The following DNALI1 variants were observed in gnomAD, a reference collection of about 807,000 sequenced individuals.
The protein encoded by DNALI1 is dynein axonemal light intermediate chain 1, also known as axonemal dynein light intermediate polypeptide 1.
A neutral mutation model predicts 33.9 loss-of-function variants in DNALI1; 31 were observed. The ratio of observed to expected loss-of-function variants is 0.91; its 90% CI spans 0.69 to 1.23. The LOEUF (loss-of-function observed/expected upper bound fraction) is 1.23. Ranked by LOEUF, DNALI1 falls within the 50% of genes most tolerant of loss-of-function variation. DNALI1 has a pLI of 0.00. For missense variants in DNALI1, 305 were observed against 323.8 expected, an observed-to-expected ratio of 0.94 and a Z score of 0.44; for synonymous variants, 117 against 129.2, an observed-to-expected ratio of 0.91 and a Z score of 0.64.
chr1:37,564,641 A>C (rs374411134), intron 5 of DNALI1, among the ~76,000 whole-genome samples: 1 of 152,158 alleles, frequency 6.6e-6, no homozygotes, highest in African/African-American at 2.4e-5. Flanking sequence ...TCAGCCTCCC[A>C]AAGTGCTGGG....
In DNALI1 at chr1:37,561,223, T is replaced by G; in HGVS notation, c.398-334T>G. ...CCATCTTTAAACAGAAAAAGTCAGG[T>G]TTTTTCGAGTAGTAACCAGTTTTTA... On this transcript the variant is annotated intron_variant, in intron 3 of 5. Coordinates refer to ENST00000652629, the MANE Select transcript of DNALI1 (RefSeq NM_003462.5). The surrounding 1 kb of genome is among the most constrained non-coding windows in gnomAD (Gnocchi z 4.6). 1 of 248,288 alleles carries G rather than the reference T, an allele frequency of 4.0e-6. No homozygotes were observed. Among genetic ancestry groups the G allele is most frequent in the Non-Finnish European group, 7.9e-6 (1 of 127,050 alleles). The allele number at this position is 248,288 out of a possible 1,614,324, so 15.4% of individuals were successfully genotyped here.
In DNALI1 at chr1:37,561,486, G is replaced by GT; in HGVS notation, c.398-68dup. ...TAATGTCCTTCCCAAGAGGAAGGGTGTTTGCAGTAGACATACTGCAAGCCC... is the reference window on the plus strand; with the variant it reads ...TAATGTCCTTCCCAAGAGGAAGGGTGTTTTGCAGTAGACATACTGCAAGCCC... On this transcript the variant is annotated intron_variant, in intron 3 of 5. Transcript: ENST00000652629. This position sits in a 1 kb window ranked among gnomAD's most constrained non-coding sequence, Gnocchi z 4.6. The GT allele has an allele frequency of 6.5e-7, 1 of 1,547,202 alleles. No homozygotes were observed. The highest frequency in any genetic ancestry group is 2.3e-5 in the East Asian group (1 of 43,466).
In DNALI1 at chr1:37,562,414, G is replaced by A. The variant is rs1643451630; in HGVS notation, c.741+169G>A. ...GGGAGAAGGGGAGGGCTCCAGAGGG[G>A]GTCTCTACTCTCAACTCCAAATCTC... On this transcript the variant is annotated intron_variant, in intron 5 of 5. Transcript: ENST00000652629. The surrounding 1 kb of genome is among the most constrained non-coding windows in gnomAD (Gnocchi z 5.8). Among the ~76,000 whole-genome samples, 1 of 152,084 alleles carries A rather than the reference G, an allele frequency of 6.6e-6. No homozygotes were observed.
chr1:37,566,319 G>T lies in DNALI1; in HGVS notation c.*1258G>T. 1 of 152,546 alleles carries T rather than the reference G, an allele frequency of 6.6e-6. No homozygotes were observed. The highest frequency in any genetic ancestry group is 1.5e-5 in the Non-Finnish European group (1 of 68,358). 9.4% of individuals were successfully genotyped at this position (152,546 alleles called of 1,614,324 possible). A position where few individuals can be genotyped will look rare whatever the true frequency, so the allele number is the denominator to read the frequency against. On this transcript the variant is annotated 3_prime_UTR_variant, in exon 6 of 6. Coordinates refer to ENST00000652629, the MANE Select transcript of DNALI1 (RefSeq NM_003462.5). ...CCTGCCTGTGTTGTCATTTCCATGG[G>T]AAAGAACTCTTTCCACGAGATCTGC...
intron 2 of DNALI1, among the ~76,000 whole-genome samples, chr1:37,558,558 G>C (rs1169954876): frequency 6.6e-6 from 1 of 152,150 alleles, no homozygotes; most frequent in African/African-American, 2.4e-5. Context: ...CTGTTATTCT[G>C]TTTCTTGTTC....
rs943283044 is a variant in DNALI1 at position 37,561,386 on chromosome 1, C to T, written c.398-171C>T. Reference sequence around the variant, plus strand: ...AGAGGAGTGACTGCATGGCAAGGCTCTTTGGGCCACTGAAGGCACCCTCCC... The same window carrying T: ...AGAGGAGTGACTGCATGGCAAGGCTTTTTGGGCCACTGAAGGCACCCTCCC... On this transcript the variant is annotated intron_variant, in intron 3 of 5. Coordinates refer to ENST00000652629, the MANE Select transcript of DNALI1 (RefSeq NM_003462.5). The surrounding 1 kb of genome is among the most constrained non-coding windows in gnomAD (Gnocchi z 4.6). The T allele has an allele frequency of 1.9e-5, 14 of 745,708 alleles. No homozygotes were observed. The African/African-American group carries it at 2.5e-4, about 13-fold the overall frequency. The allele number at this position is 745,708 out of a possible 1,614,324, so 46.2% of individuals were successfully genotyped here.
At chr1:37,563,692 T>C (rs1248518640) in intron 5 of DNALI1, among the ~76,000 whole-genome samples, 1 of 152,096 alleles carries the variant, frequency 6.6e-6, no homozygotes, top group Non-Finnish European at 1.5e-5. Context: ...GGTTTCACCA[T>C]GTTGGCCAGG....
At position 37,565,507 on chromosome 1, in the gene DNALI1, T is replaced by G. The variant is rs1440499800; in HGVS notation, c.*446T>G. The G allele has an allele frequency of 6.2e-6, 1 of 160,894 alleles. No homozygotes were observed. Among genetic ancestry groups the G allele is most frequent in the African/African-American group, 2.4e-5 (1 of 41,618 alleles). 10.0% of individuals were successfully genotyped at this position (160,894 alleles called of 1,614,324 possible). A position where few individuals can be genotyped will look rare whatever the true frequency, so the allele number is the denominator to read the frequency against. On this transcript the variant is annotated 3_prime_UTR_variant, in exon 6 of 6. Transcript: ENST00000652629. Reference sequence around the variant, plus strand: ...TTCTTGGGCCTCTGGCCTTCCTTACTTAATGTCTTCTTTTCCCTACTCTAA... The same window carrying G: ...TTCTTGGGCCTCTGGCCTTCCTTACGTAATGTCTTCTTTTCCCTACTCTAA...
Position 37,562,266 on chromosome 1 carries a change from G to A in DNALI1, c.741+21G>A, listed in dbSNP as rs770080333. On this transcript the variant is annotated intron_variant, in intron 5 of 5. Transcript: ENST00000652629. The surrounding 1 kb of genome is among the most constrained non-coding windows in gnomAD (Gnocchi z 5.8). The stretch of plus-strand genomic sequence containing the variant: ...TGAAGGTAATCAACGCGCAGGGTGG[G>A]GTGGAGGTGCCCCCTGCCCTGCGAC... 16 of 1,604,292 alleles carry A rather than the reference G, an allele frequency of 1.0e-5. No individual in the cohort carries two copies. The African/African-American group carries it at 1.7e-4, about 17-fold the overall frequency.
chr1:37,559,745 TAA>T lies in DNALI1; in HGVS notation c.397+250_397+251del. Among the ~76,000 whole-genome samples, 1 of 152,040 alleles carries T rather than the reference TAA, an allele frequency of 6.6e-6. No homozygotes were observed. Among genetic ancestry groups the T allele is most frequent in the Non-Finnish European group, 1.5e-5 (1 of 67,958 alleles). The stretch of plus-strand genomic sequence containing the variant: ...CAGGAGGAGAGACTAAGAAAAGAAA[TAA>T]GACACAGACAAAGTATAGAGAAAGA... On this transcript the variant is annotated intron_variant, in intron 3 of 5. Coordinates refer to ENST00000652629, the MANE Select transcript of DNALI1 (RefSeq NM_003462.5). The surrounding 1 kb of genome is among the most constrained non-coding windows in gnomAD (Gnocchi z 5.3).
At position 37,562,030 on chromosome 1, in the gene DNALI1, C is replaced by A; in HGVS notation, c.577-51C>A. On this transcript the variant is annotated intron_variant, in intron 4 of 5. Coordinates refer to ENST00000652629, the MANE Select transcript of DNALI1 (RefSeq NM_003462.5). This position sits in a 1 kb window ranked among gnomAD's most constrained non-coding sequence, Gnocchi z 5.8. ...ATGTCCCTTCCACCCAGGCTCACAC[C>A]ATTCCATTCACCTGGCGACATCCCA... 1 of 1,611,360 alleles carries A rather than the reference C, an allele frequency of 6.2e-7. No individual in the cohort carries two copies. The highest frequency in any genetic ancestry group is 8.5e-7 in the Non-Finnish European group (1 of 1,178,524).
In DNALI1 at chr1:37,557,008, CAG is replaced by C; in HGVS notation, c.16_17del (p.Asp6LeufsTer88). ...CTCGCCTCCGCCATGATTCCGCCCGCAGACTCTTTGCTCAAGTACGACACCCC... is the reference window on the plus strand; with the variant it reads ...CTCGCCTCCGCCATGATTCCGCCCGCACTCTTTGCTCAAGTACGACACCCC... On this transcript the variant is annotated frameshift_variant, in exon 1 of 6. Transcript: ENST00000652629. LOFTEE classifies it high-confidence loss of function. 1 of 1,614,226 alleles carries C rather than the reference CAG, an allele frequency of 6.2e-7. No individual in the cohort carries two copies. The highest frequency in any genetic ancestry group is 8.5e-7 in the Non-Finnish European group (1 of 1,180,038).
chr1:37,566,249 C>T lies in DNALI1; in HGVS notation c.*1188C>T, dbSNP rs1019178713. 1 of 152,526 alleles carries T rather than the reference C, an allele frequency of 6.6e-6. No homozygotes were observed. The highest frequency in any genetic ancestry group is 2.4e-5 in the African/African-American group (1 of 41,448). The allele number at this position is 152,526 out of a possible 1,614,324, so 9.4% of individuals were successfully genotyped here. A position where few individuals can be genotyped will look rare whatever the true frequency, so the allele number is the denominator to read the frequency against. Reference sequence around the variant, plus strand: ...TCTGGAATCTAAGGAGCAGCTTTTACCCTGATCCAGTATCCTGAGGAATTT... The same window carrying T: ...TCTGGAATCTAAGGAGCAGCTTTTATCCTGATCCAGTATCCTGAGGAATTT... On this transcript the variant is annotated 3_prime_UTR_variant, in exon 6 of 6. Coordinates refer to ENST00000652629, the MANE Select transcript of DNALI1 (RefSeq NM_003462.5).
In DNALI1 at chr1:37,565,670, A is replaced by T. The variant is rs1643491668; in HGVS notation, c.*609A>T. The T allele has an allele frequency of 6.5e-6, 1 of 152,926 alleles. No homozygotes were observed. The allele number at this position is 152,926 out of a possible 1,614,324, so 9.5% of individuals were successfully genotyped here. On this transcript the variant is annotated 3_prime_UTR_variant, in exon 6 of 6. Coordinates refer to ENST00000652629, the MANE Select transcript of DNALI1 (RefSeq NM_003462.5). ...CAGTCAAACCCATGGCTTTGGAGAA[A>T]GTAAATGTTTGCCAGAAAGGAATAC...
intron 5 of DNALI1, among the ~76,000 whole-genome samples, chr1:37,563,046 T>C (rs1244705023): frequency 6.6e-6 from 1 of 152,236 alleles, no homozygotes; most frequent in Non-Finnish European, 1.5e-5. Flanking sequence ...TTGCAGAAGT[T>C]TGAGCATCAC....
chr1:37,563,906 A>C (rs982370013), intron 5 of DNALI1, among the ~76,000 whole-genome samples: 2 of 152,170 alleles, frequency 1.3e-5, no homozygotes, highest in South Asian at 2.1e-4. Context: ...AACATAGTAA[A>C]TAACTCCCAA....
chr1:37,558,989 T>C (rs1320990466), intron 2 of DNALI1, among the ~76,000 whole-genome samples: 1 of 152,210 alleles, frequency 6.6e-6, no homozygotes, highest in East Asian at 1.9e-4. Flanking sequence ...CCCCGTAAGT[T>C]GGTGGGTAGT....
rs745929528 is a variant in DNALI1, at chr1:37,562,280, CT to C, written c.741+36del. ...GCGCAGGGTGGGGTGGAGGTGCCCC[CT>C]GCCCTGCGACCCAGCCCCACAGGCC... On this transcript the variant is annotated intron_variant, in intron 5 of 5. Transcript: ENST00000652629. This position sits in a 1 kb window ranked among gnomAD's most constrained non-coding sequence, Gnocchi z 5.8. 14 of 1,594,526 alleles carry C rather than the reference CT, an allele frequency of 8.8e-6. No homozygotes were observed. Among genetic ancestry groups the C allele is most frequent in the Admixed American group, 1.8e-5 (1 of 57,032 alleles).
At position 37,566,793 on chromosome 1, in the gene DNALI1, A is replaced by G; in HGVS notation, c.*1732A>G. ...AGGGCCTTAGAAATGTCAATGGGGC[A>G]GGAAGAAAACACAATTTCTAACTGC... On this transcript the variant is annotated 3_prime_UTR_variant, in exon 6 of 6. Coordinates refer to ENST00000652629, the MANE Select transcript of DNALI1 (RefSeq NM_003462.5). 6.8e-7 allele frequency: 1 copy of G among 1,471,094 alleles called. No individual in the cohort carries two copies. The allele number at this position is 1,471,094 out of a possible 1,614,324, so 91.1% of individuals were successfully genotyped here.
Sources: allele counts gnomAD v4.1 joint callset (sites outside exome capture counted in the v4.1 genomes callset), GRCh38; gene constraint gnomAD v4.1.1; non-coding constraint Gnocchi (gnomAD v3.1); transcripts MANE v1.5; gene names NCBI Gene and HGNC (gene_info 2026-07-23, HGNC 2026-07-21).